Variants in SPOCK1 observed in about 807,000 individuals in gnomAD.
The protein encoded by SPOCK1 is testican-1.
A neutral mutation model predicts 55.3 loss-of-function variants in SPOCK1; 23 were observed. The observed-to-expected ratio is 0.42, with a 90% CI of 0.30 to 0.59. The LOEUF (loss-of-function observed/expected upper bound fraction) is 0.59, where lower values mean the gene tolerates loss of function less well. Ranked by LOEUF, SPOCK1 falls within the 20% of genes least tolerant of loss-of-function variation. The pLI is 0.22. For synonymous variants in SPOCK1, 226 were observed against 221.0 expected (o/e 1.02, Z -0.20); for missense variants, 499 against 552.5 (o/e 0.90, Z 0.97).
intron 4 of SPOCK1, among the ~76,000 whole-genome samples, chr5:137,129,869 C>G (rs372359177): frequency 7.7e-4 from 117 of 152,232 alleles, no homozygotes; most frequent in African/African-American, 2.7e-3. Context: ...ACATTTTAGC[C>G]GAATTCAGAC....
intron 6 of SPOCK1, among the ~76,000 whole-genome samples, chr5:137,017,555 T>C (rs956289531): frequency 1.3e-5 from 2 of 152,184 alleles, no homozygotes; most frequent in African/African-American, 4.8e-5. Context: ...CAAAACAATA[T>C]ATGACGCTGA....
intron 2 of SPOCK1, among the ~76,000 whole-genome samples, chr5:137,302,410 A>C (rs1207602647): frequency 4.1e-5 from 1 of 24,414 alleles, no homozygotes; most frequent in African/African-American, 1.7e-4. Flanking sequence ...TCTACTAAAA[A>C]TACAAAAAAA....
chr5:137,243,349 A>G (rs1756327305), intron 3 of SPOCK1, among the ~76,000 whole-genome samples: 1 of 152,328 alleles, frequency 6.6e-6, no homozygotes, highest in African/African-American at 2.4e-5. Flanking sequence ...AGTATTTTAT[A>G]TTTTAAATTC....
At chr5:137,464,175 C>A (rs1197059533) in intron 2 of SPOCK1, among the ~76,000 whole-genome samples, 3 of 152,074 alleles carry the variant, frequency 2.0e-5, no homozygotes, top group South Asian at 2.1e-4. Context: ...ATGGTGCAGG[C>A]CCGTAGTCCC....
intron 2 of SPOCK1, among the ~76,000 whole-genome samples, chr5:137,438,650 G>GCACA (rs3072679): frequency 0.32 from 48,297 of 150,694 alleles, 7,748 homozygotes; most frequent in Middle Eastern, 0.41. Flanking sequence ...ATTTGCATAT[G>GCACA]CACACACACA....
intron 2 of SPOCK1, among the ~76,000 whole-genome samples, chr5:137,457,803 G>GA (rs946574598): frequency 3.3e-5 from 5 of 151,952 alleles, no homozygotes; most frequent in African/African-American, 1.2e-4. Context: ...TCCCAGAGGG[G>GA]AAAAAAGGGG....
intron 6 of SPOCK1, among the ~76,000 whole-genome samples, chr5:137,022,013 G>A (rs866675485): frequency 2.0e-5 from 3 of 152,100 alleles, no homozygotes; most frequent in African/African-American, 2.4e-5. Flanking sequence ...ATGCGACCTT[G>A]GCACACTTGC....
intron 5 of SPOCK1, among the ~76,000 whole-genome samples, chr5:137,094,664 G>A (rs535930573): frequency 6.3e-4 from 96 of 152,310 alleles, no homozygotes; most frequent in African/African-American, 2.1e-3. Flanking sequence ...GATGACTGCT[G>A]ACTGATAAGG....
intron 2 of SPOCK1, among the ~76,000 whole-genome samples, chr5:137,445,973 T>G (rs1753119207): frequency 6.6e-6 from 1 of 152,200 alleles, no homozygotes. Context: ...TAAGACTGAT[T>G]CCAGCTTTGC....
chr5:137,354,644 T>C (rs757739568), intron 2 of SPOCK1, among the ~76,000 whole-genome samples: 5 of 152,136 alleles, frequency 3.3e-5, no homozygotes, highest in African/African-American at 7.2e-5. Context: ...CCACAGAGCA[T>C]AAAGTTTAGG....
At chr5:137,339,384 A>C (rs1237303168) in intron 2 of SPOCK1, among the ~76,000 whole-genome samples, 2 of 152,230 alleles carry the variant, frequency 1.3e-5, no homozygotes, top group African/African-American at 4.8e-5. Context: ...TACTTGCCAG[A>C]ATGGCCGAAA....
rs868496145 is a variant in SPOCK1, at chr5:137,160,623, T to A, written c.233-19929A>T. 6.4e-4 allele frequency among the ~76,000 whole-genome samples: 51 copies of A among 79,386 alleles called. 1 individual carries two copies. Among genetic ancestry groups the A allele is most frequent in the Middle Eastern group, 5.0e-3 (1 of 202 alleles). The allele number at this position is 79,386 out of a possible 152,430, so 52.1% of individuals were successfully genotyped here. A position where few individuals can be genotyped will look rare whatever the true frequency, so the allele number is the denominator to read the frequency against. On this transcript the variant is annotated intron_variant, in intron 3 of 10. Coordinates refer to ENST00000394945, the MANE Select transcript of SPOCK1 (RefSeq NM_004598.4). ...ATTATATATAATATATAATATATAT[T>A]TTATATAATATATAATATATATTTT...
At chr5:137,093,825 A>C (rs1341243764) in intron 5 of SPOCK1, among the ~76,000 whole-genome samples, 2 of 152,214 alleles carry the variant, frequency 1.3e-5, no homozygotes, top group African/African-American at 4.8e-5. Context: ...TGATGAGAAA[A>C]ACATGGTAAG....
At chr5:137,313,848 G>A (rs1757828666) in intron 2 of SPOCK1, among the ~76,000 whole-genome samples, 1 of 150,568 alleles carries the variant, frequency 6.6e-6, no homozygotes, top group East Asian at 2.0e-4. Flanking sequence ...CACATCCTGG[G>A]GGAAATGAAG....
intron 2 of SPOCK1, among the ~76,000 whole-genome samples, chr5:137,479,996 T>C (rs894348987): frequency 1.3e-5 from 2 of 151,950 alleles, no homozygotes; most frequent in Non-Finnish European, 2.9e-5. Flanking sequence ...TCATCCCCAC[T>C]CAGACTCCTC....
intron 3 of SPOCK1, among the ~76,000 whole-genome samples, chr5:137,255,913 T>C (rs891229096): frequency 5.3e-5 from 8 of 152,174 alleles, no homozygotes; most frequent in Non-Finnish European, 1.2e-4. Flanking sequence ...CTTTCTACCA[T>C]GAATTTTGGA....
At chr5:137,293,827 T>C (rs1304914608) in intron 2 of SPOCK1, among the ~76,000 whole-genome samples, 1 of 151,954 alleles carries the variant, frequency 6.6e-6, no homozygotes, top group African/African-American at 2.4e-5. Flanking sequence ...CCATCCTCGC[T>C]AACACGGTGA....
intron 2 of SPOCK1, among the ~76,000 whole-genome samples, 175 bp downstream of exon 2, chr5:137,498,198 C>CA (rs1754339433): frequency 6.6e-6 from 1 of 151,880 alleles, no homozygotes; most frequent in South Asian, 2.1e-4. Context: ...TCCTTTCAGG[C>CA]AAGACCGCAC....
intron 2 of SPOCK1, among the ~76,000 whole-genome samples, chr5:137,304,984 C>T (rs1275393376): frequency 6.6e-6 from 1 of 152,188 alleles, no homozygotes; most frequent in Non-Finnish European, 1.5e-5. Flanking sequence ...GGCTGGAAAT[C>T]CAAAACCAAA....
Sources: gnomAD v4.1 joint callset for allele counts (sites outside exome capture counted in the v4.1 genomes callset) on GRCh38, gnomAD v4.1.1 for gene constraint, MANE v1.5 for transcripts, NCBI Gene and HGNC (gene_info 2026-07-23, HGNC 2026-07-21) for gene names.